The following SLF2 variants were observed in gnomAD, a reference collection of about 807,000 sequenced individuals.
The protein encoded by SLF2 is SMC5-SMC6 complex localization factor protein 2.
SLF2 carries 68 observed loss-of-function variants against 124.3 expected under a neutral mutation model. The ratio of observed to expected loss-of-function variants is 0.55; its 90% CI spans 0.45 to 0.67. SLF2 has a LOEUF of 0.67. Ranked by LOEUF, SLF2 falls within the 30% of genes least tolerant of loss-of-function variation. The pLI, the probability that SLF2 is intolerant of heterozygous loss-of-function variation, is 0.00. For synonymous variants in SLF2, 480 were observed against 478.8 expected (o/e 1.00, Z -0.03); for missense variants, 1,246 against 1,373.7 (o/e 0.91, Z 1.47).
chr10:100,924,321 CT>C lies in SLF2; in HGVS notation c.1322del (p.Leu441TyrfsTer46). ...AGGAGACTAAGATGCAGAAACCCCA[CT>C]TACCTTTATCTCAGGAAAAGTCTGC... Reference protein sequence around the residue: ...TKETKMQKPHLPLSQEKSAIK... With the variant: ...TKETKMQKPHXPLSQEKSAIK... On this transcript the variant is annotated frameshift_variant, in exon 5 of 20. Transcript: ENST00000238961. LOFTEE classifies it high-confidence loss of function. 1.2e-6 allele frequency: 2 copies of C among 1,614,116 alleles called. No homozygotes were observed. The highest frequency in any genetic ancestry group is 1.7e-6 in the Non-Finnish European group (2 of 1,180,004).
intron 17 of SLF2, among the ~76,000 whole-genome samples, chr10:100,952,679 A>G (rs1184583146): frequency 6.6e-6 from 1 of 150,700 alleles, no homozygotes; most frequent in African/African-American, 2.4e-5. Flanking sequence ...TGGCTCACAC[A>G]TGTAATCCCA....
intron 18 of SLF2, among the ~76,000 whole-genome samples, chr10:100,957,437 G>A (rs974845911): frequency 7.4e-6 from 1 of 134,782 alleles, no homozygotes; most frequent in Non-Finnish European, 1.5e-5. Context: ...TGCAACCCCC[G>A]CCTTCCAGGT....
rs150459514 is a variant in SLF2, at chr10:100,945,413, G to T, written c.2841G>T (p.Met947Ile). The T allele has an allele frequency of 4.6e-5, 73 of 1,601,480 alleles. No individual in the cohort carries two copies. The highest frequency in any genetic ancestry group is 5.1e-5 in the Non-Finnish European group (60 of 1,177,228). Residue 947 changes from methionine (M) to isoleucine (I), a missense_variant, in exon 13 of 20, where the codon ATG becomes ATT. Coordinates refer to ENST00000238961, the MANE Select transcript of SLF2 (RefSeq NM_018121.4). ...TGCTGATTTTAATGTTATTTAAAAT[G>T]AGTTTGGAAAAACAGCTGAAACAGA... ...IMLLILMLFKMSLEKQLKQIP... is the reference protein window; with the variant it reads ...IMLLILMLFKISLEKQLKQIP...
At chr10:100,943,761 T>C (rs899972572) in intron 11 of SLF2, 15 of 317,302 alleles carry the variant, frequency 4.7e-5, no homozygotes, top group Non-Finnish European at 8.0e-5. Context: ...AAATCATTAG[T>C]GTTTGCCTTG....
chr10:100,949,629 T>C (rs1850172813), intron 15 of SLF2, among the ~76,000 whole-genome samples: 1 of 151,726 alleles, frequency 6.6e-6, no homozygotes, highest in Non-Finnish European at 1.5e-5. Flanking sequence ...GTAGTATTGC[T>C]CTGTCACCCA....
Position 100,916,710 on chromosome 10 carries a change from A to T in SLF2, c.325A>T (p.Ser109Cys). The change falls in exon 3 of 20, where the codon AGC becomes TGC. Residue 109 changes from serine (S) to cysteine (C), a missense_variant. Ser to Cys is a moderately radical substitution (Grantham distance 112). Around this residue, in one of 3 missense-constraint regions of SLF2, gnomAD observed 698 missense variants for 708.9 expected, o/e 0.98. Transcript: ENST00000238961. ...ACCCAAAAGGGTGCCACCAGAAAAG[A>T]GCCCTATTATAGAAGCTTTCATGAA... ...SKPKRVPPEK[S>C]PIIEAFMKGV... The T allele has an allele frequency of 7.7e-6, 12 of 1,557,546 alleles. No individual in the cohort carries two copies. The highest frequency in any genetic ancestry group is 1.0e-5 in the Non-Finnish European group (12 of 1,159,240).
chr10:100,964,813 C>T lies in SLF2; in HGVS notation c.*2901C>T, dbSNP rs117981041. 1.3e-5 allele frequency: 2 copies of T among 152,306 alleles called. No individual in the cohort carries two copies. Among genetic ancestry groups the T allele is most frequent in the East Asian group, 3.9e-4 (2 of 5,190 alleles). 9.4% of individuals were successfully genotyped at this position (152,306 alleles called of 1,614,324 possible). A position where few individuals can be genotyped will look rare whatever the true frequency, so the allele number is the denominator to read the frequency against. On this transcript the variant is annotated 3_prime_UTR_variant, in exon 20 of 20. Coordinates refer to ENST00000238961, the MANE Select transcript of SLF2 (RefSeq NM_018121.4). ...AAGAGGTAGCCCATTAAACAAGCTA[C>T]TGAGTTGGAGAATTAGGGGATGACT...
intron 11 of SLF2, among the ~76,000 whole-genome samples, chr10:100,940,149 A>G: frequency 6.6e-6 from 1 of 152,324 alleles, no homozygotes; most frequent in South Asian, 2.1e-4. Flanking sequence ...AGTGTGTAGT[A>G]ATTTTGTATG....
At position 100,916,747 on chromosome 10, in the gene SLF2, A is replaced by G. The variant is rs1157013191; in HGVS notation, c.362A>G (p.Glu121Gly). The change falls in exon 3 of 20, where the codon GAG becomes GGG. Residue 121 changes from glutamate to glycine, a missense_variant. This residue lies in a region of SLF2 where 698 missense variants were observed against 708.9 expected (regional missense o/e 0.98). Coordinates refer to ENST00000238961, the MANE Select transcript of SLF2 (RefSeq NM_018121.4). ...IIEAFMKGVK[E>G]HHEDHGIHES... is the part of the protein sequence containing the mutation. ...GAAGCTTTCATGAAAGGTGTTAAAG[A>G]GCACCATGAAGATCATGGTATACAT... 1 of 1,596,824 alleles carries G rather than the reference A, an allele frequency of 6.3e-7. No homozygotes were observed. The highest frequency in any genetic ancestry group is 1.1e-5 in the South Asian group (1 of 87,966).
At chr10:100,944,427 G>A (rs1411998030) in intron 12 of SLF2, among the ~76,000 whole-genome samples, 5 of 150,512 alleles carry the variant, frequency 3.3e-5, no homozygotes, top group South Asian at 2.1e-4. Flanking sequence ...CCCAGGAGGC[G>A]GAGCTTGCAG....
At chr10:100,927,311 C>T (rs994760080) in intron 6 of SLF2, among the ~76,000 whole-genome samples, 88 of 151,910 alleles carry the variant, frequency 5.8e-4, no homozygotes, top group Middle Eastern at 3.4e-3. Context: ...ATGAAATTGA[C>T]TGTGTTTTAG....
chr10:100,921,108 C>G (rs1849517245), intron 4 of SLF2, among the ~76,000 whole-genome samples: 1 of 152,122 alleles, frequency 6.6e-6, no homozygotes, highest in South Asian at 2.1e-4. Context: ...GGCATTTAGC[C>G]CTTTGGTCTT....
In SLF2 at chr10:100,944,144, T is replaced by C; in HGVS notation, c.2757+16T>C. 6.6e-7 allele frequency: 1 copy of C among 1,507,166 alleles called. No homozygotes were observed. The highest frequency in any genetic ancestry group is 9.2e-7 in the Non-Finnish European group (1 of 1,086,568). The allele number at this position is 1,507,166 out of a possible 1,614,324, so 93.4% of individuals were successfully genotyped here. A position where few individuals can be genotyped will look rare whatever the true frequency, so the allele number is the denominator to read the frequency against. On this transcript the variant is annotated intron_variant, in intron 12 of 19. Coordinates refer to ENST00000238961, the MANE Select transcript of SLF2 (RefSeq NM_018121.4). ...TGTGGTTAAGGTAGGAAAGAACTTT[T>C]ATGTGTCTTCTGCTCAGAGCTAGAA...
chr10:100,929,121 G>C (rs1182129185), intron 6 of SLF2, among the ~76,000 whole-genome samples, 196 bp from the exon 7 acceptor site: 1 of 152,136 alleles, frequency 6.6e-6, no homozygotes, highest in Non-Finnish European at 1.5e-5. Flanking sequence ...CCTAGCACCT[G>C]AAATATATCT....
intron 6 of SLF2, chr10:100,926,434 T>C (rs537456665): frequency 6.2e-6 from 4 of 646,630 alleles, no homozygotes; most frequent in East Asian, 3.1e-5. Flanking sequence ...TGAAACCCCA[T>C]CTCTACAAAA....
intron 12 of SLF2, 68 bp downstream of exon 12, chr10:100,944,196 TAAA>T: frequency 1.2e-6 from 1 of 839,416 alleles, no homozygotes; most frequent in Non-Finnish European, 1.7e-6. Context: ...TAATGGTTTT[TAAA>T]AAAAAAAAAG....
In SLF2 at chr10:100,962,691, C is replaced by T. The variant is rs1272756426; in HGVS notation, c.*779C>T. The T allele has an allele frequency of 2.0e-5, 3 of 152,558 alleles. No homozygotes were observed. Among genetic ancestry groups the T allele is most frequent in the Admixed American group, 6.6e-5 (1 of 15,264 alleles). 9.5% of individuals were successfully genotyped at this position (152,558 alleles called of 1,614,324 possible). The stretch of plus-strand genomic sequence containing the variant: ...TACTGGTTAAATCTTAGAATCTTGG[C>T]TATATCTTAGAATTCTGGCTCTTGG... On this transcript the variant is annotated 3_prime_UTR_variant, in exon 20 of 20. Coordinates refer to ENST00000238961, the MANE Select transcript of SLF2 (RefSeq NM_018121.4).
chr10:100,945,607 G>A, intron 13 of SLF2, 101 bp downstream of exon 13: 1 of 923,296 alleles, frequency 1.1e-6, no homozygotes, highest in Non-Finnish European at 1.5e-6. Flanking sequence ...CAAGATCTTT[G>A]GCGGATTAAA....
At chr10:100,922,774 G>A (rs1849544218) in intron 4 of SLF2, among the ~76,000 whole-genome samples, 1 of 149,466 alleles carries the variant, frequency 6.7e-6, no homozygotes, top group Non-Finnish European at 1.5e-5. Flanking sequence ...AGGTTAAAGT[G>A]AATTTTTTTT....
Sources: allele counts gnomAD v4.1 joint callset (sites outside exome capture counted in the v4.1 genomes callset), GRCh38; gene constraint gnomAD v4.1.1; regional missense constraint gnomAD v4.1.1; transcripts MANE v1.5; gene names NCBI Gene and HGNC (gene_info 2026-07-23, HGNC 2026-07-21).